The following A2ML1 variants were observed in gnomAD, a reference collection of about 807,000 sequenced individuals.
The protein encoded by A2ML1 is alpha-2-macroglobulin like 1.
A2ML1 carries 161 observed loss-of-function variants against 181.9 expected under a neutral mutation model. That is an observed-to-expected ratio of 0.89 (90% CI 0.78 to 1.01). The LOEUF is 1.01. Among genes scored for constraint, A2ML1 ranks in the 50% least tolerant of loss-of-function variants. The pLI is 0.00. For missense variants in A2ML1, 1,670 were observed against 1,768.1 expected (o/e 0.94, Z 1.00); for synonymous variants, 663 against 666.8 (o/e 0.99, Z 0.09).
rs1222460056 is a variant in A2ML1, at chr12:8,852,516, A to C, written c.2590+180A>C. 1.3e-5 allele frequency among the ~76,000 whole-genome samples: 2 copies of C among 152,164 alleles called. No homozygotes were observed. Among genetic ancestry groups the C allele is most frequent in the African/African-American group, 4.8e-5 (2 of 41,444 alleles). On this transcript the variant is annotated intron_variant, in intron 20 of 35. Coordinates refer to ENST00000299698, the MANE Select transcript of A2ML1 (RefSeq NM_144670.6). This position sits in a 1 kb window ranked among gnomAD's most constrained non-coding sequence, Gnocchi z 4.2. ...ACACTCTTTGATAGGTGACCAAACA[A>C]ATTTGTTCAAACCGGAATATTTTGA...
At chr12:8,865,487 C>T (rs944520378) in intron 29 of A2ML1, among the ~76,000 whole-genome samples, 16 of 152,214 alleles carry the variant, frequency 1.1e-4, no homozygotes, top group African/African-American at 3.1e-4. Context: ...TGCGGTGAGC[C>T]GAGATGGCGC....
At chr12:8,842,513 C>T (rs977950957) in intron 11 of A2ML1, among the ~76,000 whole-genome samples, 6 of 152,194 alleles carry the variant, frequency 3.9e-5, no homozygotes, top group African/African-American at 1.4e-4. Context: ...GCCACCGCGC[C>T]CGGCCCCTGT....
At chr12:8,832,217 GGGTGGTGTC>G (rs1943140022) in intron 4 of A2ML1, among the ~76,000 whole-genome samples, 1 of 152,124 alleles carries the variant, frequency 6.6e-6, no homozygotes, top group African/African-American at 2.4e-5. Context: ...TTACTGGTCT[GGGTGGTGTC>G]AGCTGATCCA....
At chr12:8,834,539 G>GGAAGAAAT in intron 4 of A2ML1, 123 bp from the exon 5 acceptor site, 2 of 1,210,584 alleles carry the variant, frequency 1.7e-6, no homozygotes, top group Non-Finnish European at 2.4e-6. Flanking sequence ...CATTTAGAAA[G>GGAAGAAAT]GAAGAAATGA....
intron 33 of A2ML1, among the ~76,000 whole-genome samples, chr12:8,873,015 G>T (rs1944680713): frequency 2.0e-5 from 3 of 151,634 alleles, no homozygotes; most frequent in Admixed American, 6.6e-5. Context: ...ACTTTCCCCA[G>T]AAGGAAACAA....
chr12:8,845,203 T>TTA (rs1348504076), intron 12 of A2ML1: 7 of 1,535,450 alleles, frequency 4.6e-6, no homozygotes, highest in Admixed American at 3.9e-5. Flanking sequence ...GCTGTCAGAC[T>TTA]CCTCCCATCC....
Position 8,855,525 on chromosome 12 carries a change from A to G in A2ML1, c.2781A>G (p.Glu927=), listed in dbSNP as rs1409026273. 2.5e-6 allele frequency: 4 copies of G among 1,613,994 alleles called. No homozygotes were observed. The East Asian group carries it at 8.9e-5, about 36-fold the overall frequency. ...LLCPKGKVAS[E]SVSLELPVDI... ...ATCTCACAGGAAAGGTGGCATCTGA[A>G]TCTGTCTCCCTGGAGCTCCCAGTGG... is the stretch of plus-strand genomic sequence containing the variant. Residue 927 remains glutamate, a synonymous_variant, in exon 23 of 36, where the codon GAA becomes GAG. Coordinates refer to ENST00000299698, the MANE Select transcript of A2ML1 (RefSeq NM_144670.6).
intron 15 of A2ML1, 33 bp from the exon 16 acceptor site, chr12:8,848,687 A>G (rs753467449): frequency 1.9e-6 from 3 of 1,550,134 alleles, no homozygotes; most frequent in African/African-American, 2.7e-5. Context: ...TCACTATATC[A>G]ATGCTTTATT....
rs564106940 is a variant in A2ML1 at position 8,833,536 on chromosome 12, A to C, written c.463-1126A>C. ...CTCAGCCTCCGGAGTAGCTGGGGTT[A>C]CAGGCATGTGCCACCATGTCCGGCT... On this transcript the variant is annotated intron_variant, in intron 4 of 35. Coordinates refer to ENST00000299698, the MANE Select transcript of A2ML1 (RefSeq NM_144670.6). Among the ~76,000 whole-genome samples the C allele has an allele frequency of 1.5e-3, 226 of 152,116 alleles. 7 individuals are homozygous for C. The South Asian group carries it at 0.046, about 31-fold the overall frequency.
At chr12:8,877,638 T>C (rs1300672303), downstream of A2ML1, among the ~76,000 whole-genome samples, 5 of 152,150 alleles carry the variant, frequency 3.3e-5, no homozygotes, top group Admixed American at 6.6e-5. Flanking sequence ...CACAATGAGA[T>C]ACCATCCACA....
At position 8,854,769 on chromosome 12, in the gene A2ML1, C is replaced by A. The variant is rs765503664; in HGVS notation, c.2713-11C>A. On this transcript the variant is annotated splice_polypyrimidine_tract_variant and intron_variant, in intron 21 of 35. Transcript: ENST00000299698. Reference sequence around the variant, plus strand: ...CTTTGTTGTTTTTATCTGTGTCTCTCTTCATCGCAGCCTGAGGGAGTCCTG... The same window carrying A: ...CTTTGTTGTTTTTATCTGTGTCTCTATTCATCGCAGCCTGAGGGAGTCCTG... 4 of 1,613,992 alleles carry A rather than the reference C, an allele frequency of 2.5e-6. No homozygotes were observed. Among genetic ancestry groups the A allele is most frequent in the Non-Finnish European group, 3.4e-6 (4 of 1,180,024 alleles).
At chr12:8,859,459 G>A (rs1295433609) in intron 26 of A2ML1, among the ~76,000 whole-genome samples, 2 of 152,116 alleles carry the variant, frequency 1.3e-5, no homozygotes, top group African/African-American at 2.4e-5. Context: ...AGGCTGAGGC[G>A]AGTGGATCAT....
intron 32 of A2ML1, 112 bp from the exon 33 acceptor site, chr12:8,869,023 C>G (rs889181574): frequency 4.9e-6 from 5 of 1,022,228 alleles, no homozygotes; most frequent in Admixed American, 4.3e-5. Context: ...GTTCCCTTTT[C>G]CTACCTTTTC....
intron 17 of A2ML1, among the ~76,000 whole-genome samples, 179 bp from the exon 18 acceptor site, chr12:8,849,981 A>G (rs1487067173): frequency 6.6e-6 from 1 of 152,116 alleles, no homozygotes; most frequent in Admixed American, 6.6e-5. Flanking sequence ...CTCCTTGGCT[A>G]TCACTTCCCT....
In A2ML1 at chr12:8,841,548, C is replaced by A; in HGVS notation, c.1248+12C>A. Reference sequence around the variant, plus strand: ...ACGTTTCTCTGGAGGTAAGCATGGACGGAGGACCAGCTTCCTAGAAAGGAA... The same window carrying A: ...ACGTTTCTCTGGAGGTAAGCATGGAAGGAGGACCAGCTTCCTAGAAAGGAA... On this transcript the variant is annotated intron_variant, in intron 11 of 35. Coordinates refer to ENST00000299698, the MANE Select transcript of A2ML1 (RefSeq NM_144670.6). 6.3e-7 allele frequency: 1 copy of A among 1,599,902 alleles called. No individual in the cohort carries two copies.
chr12:8,839,375 C>T (rs991497658), intron 10 of A2ML1, among the ~76,000 whole-genome samples, 153 bp downstream of exon 10: 1 of 152,150 alleles, frequency 6.6e-6, no homozygotes, highest in Admixed American at 6.6e-5. Context: ...ATGAGGCAGG[C>T]ACTGTATTGG....
chr12:8,861,815 A>G (rs1017101470), intron 28 of A2ML1, among the ~76,000 whole-genome samples: 2 of 151,480 alleles, frequency 1.3e-5, no homozygotes, highest in African/African-American at 4.9e-5. Flanking sequence ...GCTGGAGTGC[A>G]ATGGCGTGAT....
chr12:8,881,133 G>A (rs1433814235), downstream of A2ML1, among the ~76,000 whole-genome samples: 4 of 152,178 alleles, frequency 2.6e-5, no homozygotes. Flanking sequence ...ATTACATACA[G>A]GAGAAAAACC....
intron 26 of A2ML1, 76 bp from the exon 27 acceptor site, chr12:8,860,805 C>G (rs1024693046): frequency 1.6e-6 from 2 of 1,214,452 alleles, no homozygotes; most frequent in Admixed American, 3.5e-5. Context: ...AGAGGGGAGG[C>G]TGTTTTGCAA....
Sources: gnomAD v4.1 joint callset for allele counts (sites outside exome capture counted in the v4.1 genomes callset) on GRCh38, gnomAD v4.1.1 for gene constraint, Gnocchi (gnomAD v3.1) non-coding constraint, MANE v1.5 for transcripts, NCBI Gene and HGNC (gene_info 2026-07-23, HGNC 2026-07-21) for gene names.